Variants in IL1R1 observed in about 807,000 individuals in gnomAD.
IL1R1 encodes interleukin 1 receptor type 1.
IL1R1 carries 22 observed loss-of-function variants against 50.2 expected under a neutral mutation model. That is an observed-to-expected ratio of 0.44 (90% CI 0.31 to 0.63). The LOEUF is 0.63. Among genes scored for constraint, IL1R1 ranks in the 20% least tolerant of loss-of-function variants. The pLI is 0.07. For missense variants in IL1R1, 509 were observed against 676.2 expected (o/e 0.75, Z 2.74); for synonymous variants, 251 against 236.7 (o/e 1.06, Z -0.55).
intron 2 of IL1R1, among the ~76,000 whole-genome samples, chr2:102,156,437 GT>G (rs551105215): frequency 3.4e-4 from 51 of 152,222 alleles, no homozygotes; most frequent in African/African-American, 1.2e-3. Context: ...GAATGGGTAT[GT>G]CTCGCATGGT....
intron 1 of IL1R1, among the ~76,000 whole-genome samples, chr2:102,118,844 T>C (rs908100866): frequency 5.3e-5 from 8 of 151,764 alleles, no homozygotes; most frequent in African/African-American, 7.3e-5. Context: ...GGTGAAACCC[T>C]GTCTCTACTA....
chr2:102,154,044 C>G (rs958131048), intron 2 of IL1R1, 27 bp downstream of exon 2: 2 of 152,324 alleles, frequency 1.3e-5, no homozygotes, highest in African/African-American at 4.8e-5. Flanking sequence ...ACCCCAGGGT[C>G]CCAAGGCCGG....
At chr2:102,175,677 A>T (rs1409000195) in intron 11 of IL1R1, 32 bp downstream of exon 11, 1 of 1,602,098 alleles carries the variant, frequency 6.2e-7, no homozygotes, top group Non-Finnish European at 8.6e-7. Flanking sequence ...GTAAAGGCTT[A>T]TTGTTGTAAA....
At chr2:102,172,383 C>T (rs1429809765) in intron 8 of IL1R1, 2 of 985,342 alleles carry the variant, frequency 2.0e-6, no homozygotes, top group East Asian at 2.3e-4. Flanking sequence ...GCCCCAATCT[C>T]CTCTTGTTTA....
chr2:102,084,247 C>A (rs948950236), intron 1 of IL1R1, among the ~76,000 whole-genome samples: 6 of 152,326 alleles, frequency 3.9e-5, no homozygotes, highest in Admixed American at 3.9e-4. Context: ...TTGTGCGTTT[C>A]CTCCTTGGTT....
In IL1R1 at chr2:102,084,215, A is replaced by G. The variant is rs574946554; in HGVS notation, c.-84+13682A>G. Among the ~76,000 whole-genome samples, 12 of 152,344 alleles carry G rather than the reference A, an allele frequency of 7.9e-5. 1 individual carries two copies. The highest frequency in any genetic ancestry group is 2.9e-4 in the African/African-American group (12 of 41,580). On this transcript the variant is annotated intron_variant, in intron 1 of 11. Coordinates refer to the IL1R1 transcript ENST00000409929. ...CAGTAAAATGAAGCTCAGTTAAACT[A>G]AAGACAGCCCGTTGACATCTTTTGT...
intron 1 of IL1R1, among the ~76,000 whole-genome samples, chr2:102,116,478 T>A (rs1395929609): frequency 6.6e-6 from 1 of 152,242 alleles, no homozygotes; most frequent in African/African-American, 2.4e-5. Flanking sequence ...CTGACTCTTC[T>A]GCAAATAGCA....
upstream of IL1R1, among the ~76,000 whole-genome samples, chr2:102,100,646 A>C (rs1395750963): frequency 6.6e-6 from 1 of 152,130 alleles, no homozygotes; most frequent in Non-Finnish European, 1.5e-5. Context: ...TAGTCATTTC[A>C]TGCTTTCTCT....
intron 1 of IL1R1, among the ~76,000 whole-genome samples, chr2:102,113,216 A>G (rs1680875260): frequency 6.6e-6 from 1 of 152,266 alleles, no homozygotes; most frequent in African/African-American, 2.4e-5. Flanking sequence ...TTTCAGGTCT[A>G]TTTCCTGAAC....
At chr2:102,122,622 G>A (rs981796111) in intron 1 of IL1R1, among the ~76,000 whole-genome samples, 2 of 152,180 alleles carry the variant, frequency 1.3e-5, no homozygotes, top group East Asian at 1.9e-4. Flanking sequence ...ATATTCAGAA[G>A]GGCCTCGTGA....
rs778704046 is a variant in IL1R1 at position 102,166,128 on chromosome 2, C to T, written c.502C>T (p.Leu168Phe). 8 of 1,613,084 alleles carry T rather than the reference C, an allele frequency of 5.0e-6. No individual in the cohort carries two copies. In the Admixed American group the frequency reaches 1.3e-4, roughly 27 times the overall value. The stretch of plus-strand genomic sequence containing the variant: ...CTTTATCTAGGATTGCAAACCTCTA[C>T]TTCTTGACAATATACACTTTAGTGG... The part of the protein sequence containing the change: ...LQWYKDCKPL[L>F]LDNIHFSGVK... The change falls in exon 6 of 12, where the codon CTT becomes TTT. Residue 168 changes from leucine (L) to phenylalanine (F), a missense_variant. Coordinates refer to ENST00000410023, the MANE Select transcript of IL1R1 (RefSeq NM_000877.4).
At chr2:102,150,277 C>T (rs1463914374) in intron 1 of IL1R1, among the ~76,000 whole-genome samples, 1 of 152,140 alleles carries the variant, frequency 6.6e-6, no homozygotes. Flanking sequence ...CCAGCTGTCA[C>T]TTTTCCCGTG....
At chr2:102,082,815 C>T (rs577752462) in intron 1 of IL1R1, among the ~76,000 whole-genome samples, 3 of 152,226 alleles carry the variant, frequency 2.0e-5, no homozygotes, top group East Asian at 3.9e-4. Flanking sequence ...CTGCTAGCCT[C>T]GCTGTAACCT....
chr2:102,156,698 A>T (rs1372553491), intron 2 of IL1R1, among the ~76,000 whole-genome samples: 2 of 152,138 alleles, frequency 1.3e-5, no homozygotes, highest in South Asian at 2.1e-4. Flanking sequence ...TTTTTGGTAG[A>T]GATGGAGTTT....
chr2:102,164,693 A>G (rs886956467), intron 3 of IL1R1, 81 bp from the exon 4 acceptor site: 9 of 825,658 alleles, frequency 1.1e-5, no homozygotes, highest in Non-Finnish European at 1.8e-5. Context: ...TTAATAATCA[A>G]TGTGTTTCTT....
chr2:102,115,700 G>A (rs1189546721), intron 1 of IL1R1, among the ~76,000 whole-genome samples: 1 of 152,110 alleles, frequency 6.6e-6, no homozygotes, highest in African/African-American at 2.4e-5. Context: ...CTTGGAGGGG[G>A]GAGAAGGCGG....
intron 1 of IL1R1, among the ~76,000 whole-genome samples, chr2:102,090,886 G>A (rs1049002344): frequency 4.6e-5 from 7 of 152,170 alleles, no homozygotes; most frequent in Non-Finnish European, 7.3e-5. Context: ...CAATGTGTAT[G>A]AGAGGACAAT....
chr2:102,137,728 C>T (rs757143548), intron 1 of IL1R1, among the ~76,000 whole-genome samples: 21 of 152,232 alleles, frequency 1.4e-4, no homozygotes, highest in Middle Eastern at 3.4e-3. Flanking sequence ...AGTCCAGATT[C>T]AAGAGGAGGA....
upstream of IL1R1, among the ~76,000 whole-genome samples, chr2:102,138,753 AGGACAGT>A (rs1682481520): frequency 6.6e-6 from 1 of 152,238 alleles, no homozygotes; most frequent in African/African-American, 2.4e-5. Flanking sequence ...AAGTCCATCT[AGGACAGT>A]GGTTTCCAAT....
Sources: gnomAD v4.1 joint callset for allele counts (sites outside exome capture counted in the v4.1 genomes callset) on GRCh38, gnomAD v4.1.1 for gene constraint, MANE v1.5 for transcripts, NCBI Gene and HGNC (gene_info 2026-07-23, HGNC 2026-07-21) for gene names.